The following MARCHF1 variants were observed in gnomAD, a reference collection of about 807,000 sequenced individuals.
The protein encoded by MARCHF1 is membrane associated ring-CH-type finger 1.
MARCHF1 carries 40 observed loss-of-function variants against 54.2 expected under a neutral mutation model. That is an observed-to-expected ratio of 0.74 (90% CI 0.57 to 0.96). The LOEUF (loss-of-function observed/expected upper bound fraction) is 0.96. Among genes scored for constraint, MARCHF1 ranks in the 40% least tolerant of loss-of-function variants. The pLI is 0.00. For synonymous variants in MARCHF1, 236 were observed against 236.3 expected (o/e 1.00, Z 0.01); for missense variants, 586 against 656.5 (o/e 0.89, Z 1.17).
intron 9 of MARCHF1, among the ~76,000 whole-genome samples, chr4:163,536,084 G>C (rs1437461152): frequency 6.6e-6 from 1 of 152,138 alleles, no homozygotes; most frequent in East Asian, 1.9e-4. Flanking sequence ...TCTCTTTATT[G>C]GGAAATTTGC....
At chr4:163,851,829 G>A (rs112799849) in intron 4 of MARCHF1, among the ~76,000 whole-genome samples, 3,327 of 152,246 alleles carry the variant, frequency 0.022, 55 homozygotes, top group Non-Finnish European at 0.038. Flanking sequence ...TTCCCCTGTG[G>A]CCATGTGCTT....
At chr4:164,374,894 G>T (rs1370292635) in intron 1 of MARCHF1, among the ~76,000 whole-genome samples, 1 of 152,040 alleles carries the variant, frequency 6.6e-6, no homozygotes, top group Non-Finnish European at 1.5e-5. Context: ...TTATTAAAAA[G>T]GAAAGAGAGC....
At chr4:163,797,578 A>G (rs1461329514) in intron 4 of MARCHF1, among the ~76,000 whole-genome samples, 1 of 152,054 alleles carries the variant, frequency 6.6e-6, no homozygotes, top group African/African-American at 2.4e-5. Context: ...TATCATTTAC[A>G]TTAATTTTGC....
chr4:163,745,103 T>TTTTC (rs369122256), intron 4 of MARCHF1, among the ~76,000 whole-genome samples: 1 of 151,408 alleles, frequency 6.6e-6, no homozygotes, highest in Non-Finnish European at 1.5e-5. Flanking sequence ...CGTTTTTTCT[T>TTTTC]TTTCTTTCTT....
At chr4:163,910,456 C>T (rs1751165401) in intron 3 of MARCHF1, among the ~76,000 whole-genome samples, 1 of 151,936 alleles carries the variant, frequency 6.6e-6, no homozygotes. Context: ...TTCAAGTGAC[C>T]CCAGTTTTTC....
intron 1 of MARCHF1, among the ~76,000 whole-genome samples, chr4:164,241,803 T>G (rs951020330): frequency 6.6e-6 from 1 of 152,184 alleles, no homozygotes; most frequent in South Asian, 2.1e-4. Context: ...GGCGAGGCAT[T>G]GCCTCACTTG....
chr4:164,258,290 T>C (rs1400424114), intron 1 of MARCHF1, among the ~76,000 whole-genome samples: 1 of 152,000 alleles, frequency 6.6e-6, no homozygotes, highest in African/African-American at 2.4e-5. Context: ...GAGAAATACC[T>C]AATGTAGATG....
At chr4:164,201,200 T>C (rs1731442054) in intron 1 of MARCHF1, among the ~76,000 whole-genome samples, 1 of 114,452 alleles carries the variant, frequency 8.7e-6, no homozygotes, top group Non-Finnish European at 1.7e-5. Flanking sequence ...TACAGACATG[T>C]TTTACATGGT....
rs527425372 is a variant in MARCHF1 at position 163,734,306 on chromosome 4, T to G, written c.112-33443A>C. Among the ~76,000 whole-genome samples, 19 of 152,286 alleles carry G rather than the reference T, an allele frequency of 1.2e-4. No homozygotes were observed. The South Asian group carries it at 3.3e-3, about 27-fold the overall frequency. On this transcript the variant is annotated intron_variant, in intron 4 of 9. Transcript: ENST00000514618. ...GTTAAAGGTACATCTGCCATATGAT[T>G]TAGTCATTCTATTCTTAGGTATTTA...
In MARCHF1 at chr4:163,945,305, C is replaced by T. The variant is rs574980578; in HGVS notation, c.-39+43196G>A. ...TTTAACTCTCCAATTGGAGACTAGA[C>T]GAGTCAATACTACAAGGAGAAAATA... On this transcript the variant is annotated intron_variant, in intron 3 of 9. Transcript: ENST00000514618. 6.6e-5 allele frequency among the ~76,000 whole-genome samples: 10 copies of T among 152,076 alleles called. No individual in the cohort carries two copies. In the South Asian group the frequency reaches 1.7e-3, roughly 25 times the overall value.
intron 4 of MARCHF1, among the ~76,000 whole-genome samples, chr4:163,725,475 C>T (rs1458339585): frequency 2.8e-5 from 4 of 143,492 alleles, no homozygotes; most frequent in Non-Finnish European, 6.0e-5. Flanking sequence ...GAGACACTAT[C>T]TCCAAAAAAA....
intron 4 of MARCHF1, among the ~76,000 whole-genome samples, chr4:163,786,375 A>T (rs1747619933): frequency 6.6e-6 from 1 of 152,026 alleles, no homozygotes; most frequent in Non-Finnish European, 1.5e-5. Flanking sequence ...TTATTTCTGA[A>T]AAAGCATCTC....
chr4:164,100,886 C>T (rs919033924), intron 2 of MARCHF1, among the ~76,000 whole-genome samples: 4 of 152,200 alleles, frequency 2.6e-5, no homozygotes, highest in East Asian at 1.9e-4. Context: ...AGACAGTGGG[C>T]GCAGGTCAGT....
intron 2 of MARCHF1, among the ~76,000 whole-genome samples, chr4:164,011,092 C>T (rs113233416): frequency 2.4e-4 from 36 of 152,130 alleles, no homozygotes; most frequent in African/African-American, 8.4e-4. Context: ...CCCCTATTCT[C>T]GAACCACGCC....
chr4:163,543,719 G>A (rs1738800000), intron 9 of MARCHF1, among the ~76,000 whole-genome samples: 1 of 152,160 alleles, frequency 6.6e-6, no homozygotes, highest in Non-Finnish European at 1.5e-5. Flanking sequence ...TCAGTCACAT[G>A]TCTTAGAAAT....
intron 1 of MARCHF1, among the ~76,000 whole-genome samples, chr4:164,258,784 A>G (rs991413907): frequency 3.9e-5 from 6 of 152,162 alleles, no homozygotes; most frequent in Non-Finnish European, 5.9e-5. Flanking sequence ...TGCTCACTTT[A>G]GTAGCTCTGG....
chr4:163,829,692 C>A (rs1379718736), intron 4 of MARCHF1, among the ~76,000 whole-genome samples: 1 of 152,198 alleles, frequency 6.6e-6, no homozygotes, highest in Non-Finnish European at 1.5e-5. Flanking sequence ...ATAAATAACA[C>A]TTAAATTTGT....
intron 4 of MARCHF1, among the ~76,000 whole-genome samples, chr4:163,701,700 G>A (rs757644749): frequency 6.6e-6 from 1 of 152,278 alleles, no homozygotes; most frequent in South Asian, 2.1e-4. Context: ...CATGTAGAAA[G>A]AGATCAAAGA....
chr4:163,646,636 A>G (rs1216734374), intron 5 of MARCHF1, among the ~76,000 whole-genome samples: 1 of 152,126 alleles, frequency 6.6e-6, no homozygotes, highest in Non-Finnish European at 1.5e-5. Flanking sequence ...ACCATAAAAT[A>G]TTTGTATGCG....
Sources: allele counts gnomAD v4.1 joint callset (sites outside exome capture counted in the v4.1 genomes callset), GRCh38; gene constraint gnomAD v4.1.1; transcripts MANE v1.5; gene names NCBI Gene and HGNC (gene_info 2026-07-23, HGNC 2026-07-21).